The following GALNT17 variants were observed in gnomAD, a reference collection of about 807,000 sequenced individuals.
GALNT17 encodes polypeptide N-acetylgalactosaminyltransferase 17.
GALNT17 carries 29 observed loss-of-function variants against 63.7 expected under a neutral mutation model. The ratio of observed to expected loss-of-function variants is 0.46; its 90% CI spans 0.34 to 0.62. The LOEUF (loss-of-function observed/expected upper bound fraction) is 0.62. Ranked by LOEUF, GALNT17 falls within the 20% of genes least tolerant of loss-of-function variation. GALNT17 has a pLI of 0.01. For synonymous variants in GALNT17, 305 were observed against 318.3 expected (o/e 0.96, Z 0.45); for missense variants, 603 against 799.6 (o/e 0.75, Z 2.97).
chr7:71,222,779 G>A (rs1188386140), intron 1 of GALNT17, among the ~76,000 whole-genome samples: 2 of 152,120 alleles, frequency 1.3e-5, no homozygotes, highest in Non-Finnish European at 2.9e-5. Flanking sequence ...CTTAGCTTAA[G>A]ATGGTTTCTG....
intron 6 of GALNT17, among the ~76,000 whole-genome samples, chr7:71,643,357 A>C (rs1790630439): frequency 6.6e-6 from 1 of 152,040 alleles, no homozygotes; most frequent in African/African-American, 2.4e-5. Flanking sequence ...AATCCCAGCT[A>C]CTCAGGAGGT....
At chr7:71,696,376 G>A (rs995396017) in intron 9 of GALNT17, among the ~76,000 whole-genome samples, 6 of 152,142 alleles carry the variant, frequency 3.9e-5, no homozygotes. Context: ...CCCTCCCAAA[G>A]TGCTGGGATT....
Position 71,428,017 on chromosome 7 carries a change from C to T in GALNT17, c.962+6912C>T, listed in dbSNP as rs990167545. 3.3e-5 allele frequency among the ~76,000 whole-genome samples: 5 copies of T among 152,190 alleles called. No homozygotes were observed. The East Asian group carries it at 9.6e-4, about 29-fold the overall frequency. ...TCTTCCATGAAACCAGTCCCTGGTG[C>T]TGAAAAGGTTGGGGACTGCTGATCT... On this transcript the variant is annotated intron_variant, in intron 5 of 10. Transcript: ENST00000333538.
At chr7:71,225,752 G>A (rs1349595326) in intron 1 of GALNT17, among the ~76,000 whole-genome samples, 1 of 152,172 alleles carries the variant, frequency 6.6e-6, no homozygotes, top group Non-Finnish European at 1.5e-5. Flanking sequence ...CATTCCCCGG[G>A]AAAATTGGGT....
chr7:71,468,142 C>A (rs935265619), intron 5 of GALNT17, among the ~76,000 whole-genome samples: 1 of 152,070 alleles, frequency 6.6e-6, no homozygotes, highest in Non-Finnish European at 1.5e-5. Flanking sequence ...ATCCTCCTGC[C>A]GCAGTCTATA....
chr7:71,502,870 C>T (rs942480735), intron 5 of GALNT17, among the ~76,000 whole-genome samples: 6 of 152,160 alleles, frequency 3.9e-5, no homozygotes, highest in African/African-American at 1.4e-4. Context: ...CCGAAACAGC[C>T]TCTGACTTCA....
At chr7:71,464,566 C>G (rs773379844) in intron 5 of GALNT17, among the ~76,000 whole-genome samples, 3 of 152,164 alleles carry the variant, frequency 2.0e-5, no homozygotes, top group Non-Finnish European at 4.4e-5. Context: ...TTCCCTCCCT[C>G]AGCACAACCT....
intron 3 of GALNT17, among the ~76,000 whole-genome samples, chr7:71,401,081 T>C (rs1189611415): frequency 1.4e-5 from 2 of 146,274 alleles, no homozygotes; most frequent in Non-Finnish European, 3.0e-5. Flanking sequence ...CTCAATACTC[T>C]TTTCTTTTTC....
chr7:71,273,163 T>C (rs1157123636), intron 1 of GALNT17, among the ~76,000 whole-genome samples: 1 of 152,156 alleles, frequency 6.6e-6, no homozygotes, highest in Non-Finnish European at 1.5e-5. Context: ...AGAAACTGCA[T>C]GTTCTTTTGT....
chr7:71,195,637 T>C (rs1163013007), intron 1 of GALNT17, among the ~76,000 whole-genome samples: 5 of 150,794 alleles, frequency 3.3e-5, no homozygotes, highest in African/African-American at 1.2e-4. Flanking sequence ...ACCCTCGGAC[T>C]CCTGGGCTCC....
At chr7:71,161,462 G>C (rs1477419059) in intron 1 of GALNT17, among the ~76,000 whole-genome samples, 1 of 151,968 alleles carries the variant, frequency 6.6e-6, no homozygotes, top group Non-Finnish European at 1.5e-5. Context: ...AATTATCTTT[G>C]TCTTTAATAT....
chr7:71,229,841 C>G (rs2116442158), intron 1 of GALNT17, among the ~76,000 whole-genome samples: 1 of 152,340 alleles, frequency 6.6e-6, no homozygotes, highest in Non-Finnish European at 1.5e-5. Context: ...GGCACATTCT[C>G]ACTTGGGTCA....
rs1263942314 is a variant in GALNT17 at position 71,302,145 on chromosome 7, G to C, written c.239-33405G>C. ...TGTCACTTATAAGTAGGGGCTTAAC[G>C]ATGAGAATACATGGACACAGGGAGG... On this transcript the variant is annotated intron_variant, in intron 1 of 10. Coordinates refer to ENST00000333538, the MANE Select transcript of GALNT17 (RefSeq NM_022479.3). Among the ~76,000 whole-genome samples, 3 of 152,032 alleles carry C rather than the reference G, an allele frequency of 2.0e-5. No homozygotes were observed. The South Asian group carries it at 6.2e-4, about 32-fold the overall frequency.
chr7:71,580,063 ATAGAT>A (rs1324266435), intron 6 of GALNT17, among the ~76,000 whole-genome samples: 1 of 147,410 alleles, frequency 6.8e-6, no homozygotes, highest in Non-Finnish European at 1.5e-5. Context: ...GGATAGAATG[ATAGAT>A]TAGATAGATG....
intron 6 of GALNT17, among the ~76,000 whole-genome samples, chr7:71,615,651 T>C (rs1392969471): frequency 6.6e-6 from 1 of 152,048 alleles, no homozygotes. Context: ...TAATTTTTTG[T>C]ATTTTTAGTA....
intron 5 of GALNT17, among the ~76,000 whole-genome samples, chr7:71,536,478 T>C (rs968501262): frequency 1.3e-5 from 2 of 152,162 alleles, no homozygotes; most frequent in Non-Finnish European, 2.9e-5. Flanking sequence ...TACTGTTCCA[T>C]ATTGGTTGGG....
chr7:71,684,455 G>T (rs1791320545), intron 9 of GALNT17, among the ~76,000 whole-genome samples: 1 of 152,156 alleles, frequency 6.6e-6, no homozygotes, highest in Non-Finnish European at 1.5e-5. Context: ...CGCAGCCCAG[G>T]GTTTGAACAG....
chr7:71,447,501 CA>C (rs538945559), intron 5 of GALNT17, among the ~76,000 whole-genome samples: 8 of 148,504 alleles, frequency 5.4e-5, no homozygotes, highest in Non-Finnish European at 7.5e-5. Context: ...AATCTAAAAT[CA>C]AAAAAAAAAT....
intron 5 of GALNT17, among the ~76,000 whole-genome samples, chr7:71,456,792 G>T (rs1412400348): frequency 6.6e-6 from 1 of 152,172 alleles, no homozygotes. Flanking sequence ...GGACACACCT[G>T]TGACACAGGC....
Sources: gnomAD v4.1 joint callset for allele counts (sites outside exome capture counted in the v4.1 genomes callset) on GRCh38, gnomAD v4.1.1 for gene constraint, MANE v1.5 for transcripts, NCBI Gene and HGNC (gene_info 2026-07-23, HGNC 2026-07-21) for gene names.